Variants in WSCD2 observed in about 807,000 individuals in gnomAD.
WSCD2 encodes WSC domain sialate O sulfotransferase 2, also known as sialate:O-sulfotransferase 2.
In WSCD2, 28 loss-of-function variants were observed where a neutral mutation model predicts 55.7. The ratio of observed to expected loss-of-function variants is 0.50; its 90% CI spans 0.37 to 0.69. The LOEUF (loss-of-function observed/expected upper bound fraction) is 0.69. Ranked by LOEUF, WSCD2 falls within the 30% of genes least tolerant of loss-of-function variation. WSCD2 has a pLI of 0.00. For missense variants in WSCD2, 616 were observed against 762.1 expected (o/e 0.81, Z 2.26); for synonymous variants, 301 against 301.9 (o/e 1.00, Z 0.03).
chr12:108,235,015 C>T (rs1189804184), intron 7 of WSCD2, among the ~76,000 whole-genome samples: 2 of 152,132 alleles, frequency 1.3e-5, no homozygotes, highest in Non-Finnish European at 2.9e-5. Context: ...GCCATCTGAT[C>T]TAACTCAACC....
intron 1 of WSCD2, among the ~76,000 whole-genome samples, chr12:108,143,767 G>A (rs1415435044): frequency 6.6e-6 from 1 of 152,182 alleles, no homozygotes; most frequent in Non-Finnish European, 1.5e-5. Context: ...TGTAGCCTTG[G>A]ATCAGTCACT....
chr12:108,170,043 C>A (rs940301637), intron 1 of WSCD2, among the ~76,000 whole-genome samples: 1 of 152,154 alleles, frequency 6.6e-6, no homozygotes, highest in African/African-American at 2.4e-5. Context: ...CCCCGCAGAA[C>A]CTGTGGCAGG....
At chr12:108,179,098 G>A (rs927852176) in intron 1 of WSCD2, among the ~76,000 whole-genome samples, 1 of 151,938 alleles carries the variant, frequency 6.6e-6, no homozygotes, top group African/African-American at 2.4e-5. Flanking sequence ...TTTTTTTTCC[G>A]GCCTCCTCTA....
At chr12:108,173,647 T>C (rs374331480) in intron 1 of WSCD2, among the ~76,000 whole-genome samples, 1 of 152,146 alleles carries the variant, frequency 6.6e-6, no homozygotes, top group Non-Finnish European at 1.5e-5. Flanking sequence ...GAGGCTCTGC[T>C]GTTTCCAGGG....
intron 2 of WSCD2, among the ~76,000 whole-genome samples, chr12:108,198,004 G>A (rs765832502): frequency 1.3e-5 from 2 of 149,554 alleles, no homozygotes; most frequent in African/African-American, 2.5e-5. Flanking sequence ...ATCAAACCTC[G>A]ACTTCCCATA....
At chr12:108,219,178 T>G (rs1394855975) in intron 4 of WSCD2, among the ~76,000 whole-genome samples, 1 of 152,136 alleles carries the variant, frequency 6.6e-6, no homozygotes, top group African/African-American at 2.4e-5. Context: ...CATAAACACC[T>G]TATGGTAAGA....
chr12:108,238,729 C>T (rs1333645015), intron 7 of WSCD2, among the ~76,000 whole-genome samples: 4 of 152,156 alleles, frequency 2.6e-5, no homozygotes, highest in Admixed American at 6.5e-5. Flanking sequence ...GTAAACACAG[C>T]CAGTATCTTG....
At position 108,195,920 on chromosome 12, in the gene WSCD2, G is replaced by A. The variant is rs1883856140; in HGVS notation, c.88G>A (p.Gly30Arg). The A allele has an allele frequency of 6.2e-7, 1 of 1,614,044 alleles. No homozygotes were observed. Among genetic ancestry groups the A allele is most frequent in the Admixed American group, 1.7e-5 (1 of 60,010 alleles). Residue 30 changes from glycine (G) to arginine (R), a missense_variant, in exon 2 of 9, where the codon GGG becomes AGG. By Grantham distance (125) the Gly-to-Arg change is moderately radical. Transcript: ENST00000547525. ...CTTCCTGGCACTCTACCTGACTGCT[G>A]GGAGCCTTGTCTTCCTTCACTCTGG... ...FTFLALYLTA[G>R]SLVFLHSGFV...
intron 1 of WSCD2, among the ~76,000 whole-genome samples, chr12:108,189,136 T>C (rs1409394919): frequency 1.3e-5 from 2 of 152,198 alleles, no homozygotes; most frequent in African/African-American, 4.8e-5. Context: ...ATCAACCATA[T>C]TGATTCCTAT....
chr12:108,247,174 G>A (rs922305288), intron 8 of WSCD2, among the ~76,000 whole-genome samples: 2 of 152,038 alleles, frequency 1.3e-5, no homozygotes, highest in African/African-American at 4.8e-5. Context: ...ATGACCTTGA[G>A]CAAATTACTT....
chr12:108,156,652 C>T (rs1410008170), intron 1 of WSCD2, among the ~76,000 whole-genome samples: 1 of 152,114 alleles, frequency 6.6e-6, no homozygotes, highest in Non-Finnish European at 1.5e-5. Context: ...TATTTAAGCC[C>T]ACAAATACAG....
intron 4 of WSCD2, among the ~76,000 whole-genome samples, chr12:108,218,249 A>C (rs1447370009): frequency 1.3e-5 from 2 of 152,366 alleles, no homozygotes; most frequent in African/African-American, 4.8e-5. Flanking sequence ...AGTGGGTGCC[A>C]TGTGAAGGAG....
At chr12:108,202,005 A>AG (rs1362586933) in intron 2 of WSCD2, among the ~76,000 whole-genome samples, 1 of 152,144 alleles carries the variant, frequency 6.6e-6, no homozygotes, top group Non-Finnish European at 1.5e-5. Context: ...TCCACCCTCA[A>AG]GTGGCCTGTG....
At chr12:108,194,408 T>G (rs1436390277) in intron 1 of WSCD2, among the ~76,000 whole-genome samples, 2 of 152,192 alleles carry the variant, frequency 1.3e-5, no homozygotes, top group Admixed American at 1.3e-4. Flanking sequence ...CCAGACTATG[T>G]GGGAAAGAGG....
At position 108,219,938 on chromosome 12, in the gene WSCD2, A is replaced by C. The variant is rs1026638178; in HGVS notation, c.683-4801A>C. 2.0e-5 allele frequency among the ~76,000 whole-genome samples: 3 copies of C among 152,258 alleles called. No individual in the cohort carries two copies. The South Asian group carries it at 6.2e-4, about 32-fold the overall frequency. ...GATCTGGACATTTGAGGATGCTTAA[A>C]GAATAATCAGACTCCAGTGTCAGGC... On this transcript the variant is annotated intron_variant, in intron 4 of 8. Coordinates refer to ENST00000547525, the MANE Select transcript of WSCD2 (RefSeq NM_014653.4).
At chr12:108,236,347 C>T (rs1889263466) in intron 7 of WSCD2, among the ~76,000 whole-genome samples, 1 of 152,178 alleles carries the variant, frequency 6.6e-6, no homozygotes, top group African/African-American at 2.4e-5. Flanking sequence ...CCTGCTCTTC[C>T]CTCAGTCTGG....
intron 1 of WSCD2, among the ~76,000 whole-genome samples, chr12:108,133,073 G>A (rs11113757): frequency 0.22 from 34,198 of 152,050 alleles, 4,024 homozygotes; most frequent in African/African-American, 0.27. Context: ...GTGTTTCTGT[G>A]GGTGTGTGAC....
At chr12:108,247,076 C>T (rs1377347755) in intron 8 of WSCD2, among the ~76,000 whole-genome samples, 2 of 152,182 alleles carry the variant, frequency 1.3e-5, no homozygotes, top group East Asian at 3.8e-4. Context: ...GATACCACTA[C>T]TACACAGAAA....
intron 1 of WSCD2, among the ~76,000 whole-genome samples, chr12:108,138,095 A>G (rs202214925): frequency 1.3e-5 from 2 of 152,220 alleles, no homozygotes; most frequent in Non-Finnish European, 2.9e-5. Context: ...GAACAGCACC[A>G]CAGCCTGTCT....
Sources: allele counts gnomAD v4.1 joint callset (sites outside exome capture counted in the v4.1 genomes callset), GRCh38; gene constraint gnomAD v4.1.1; transcripts MANE v1.5; gene names NCBI Gene and HGNC (gene_info 2026-07-23, HGNC 2026-07-21).